The following KLF12 variants were observed in gnomAD, a reference collection of about 807,000 sequenced individuals.
KLF12 encodes the protein KLF transcription factor 12.
In KLF12, 9 loss-of-function variants were observed where a neutral mutation model predicts 37.8. The observed-to-expected ratio is 0.24, with a 90% CI of 0.14 to 0.42. The LOEUF is 0.42. Among genes scored for constraint, KLF12 ranks in the 10% least tolerant of loss-of-function variants. The probability of loss-of-function intolerance (pLI) is 1.00; values close to 1 mark genes in which losing one functional copy is unlikely to be tolerated. For synonymous variants in KLF12, 208 were observed against 202.1 expected, an observed-to-expected ratio of 1.03 and a Z score of -0.25; for missense variants, 411 against 516.0, an observed-to-expected ratio of 0.80 and a Z score of 1.97.
chr13:74,277,831 A>T, the KLF12 span, among the ~76,000 whole-genome samples: 1 of 152,196 alleles, frequency 6.6e-6, no homozygotes, highest in Non-Finnish European at 1.5e-5. Context: ...CATCTCCCAT[A>T]GGTGCTCAGA....
At chr13:73,913,760 AAATT>A (rs1442119093) in intron 3 of KLF12, among the ~76,000 whole-genome samples, 1 of 152,256 alleles carries the variant, frequency 6.6e-6, no homozygotes, top group Admixed American at 6.5e-5. Context: ...TTTTAAATAT[AAATT>A]AATATCACCT....
intron 3 of KLF12, among the ~76,000 whole-genome samples, chr13:73,847,492 C>G (rs1885094559): frequency 6.6e-6 from 1 of 151,924 alleles, no homozygotes; most frequent in South Asian, 2.1e-4. Context: ...TTCCTAAAGC[C>G]TTTTTAAAAT....
chr13:73,870,193 CCTT>C (rs1034895810), intron 3 of KLF12, among the ~76,000 whole-genome samples: 8 of 152,186 alleles, frequency 5.3e-5, no homozygotes, highest in Non-Finnish European at 1.2e-4. Context: ...AGCAGTTCTT[CCTT>C]CTTATTCAGA....
intron 1 of KLF12, among the ~76,000 whole-genome samples, chr13:74,105,741 T>A (rs977374995): frequency 1.2e-4 from 18 of 152,252 alleles, no homozygotes; most frequent in African/African-American, 4.3e-4. Flanking sequence ...AAGGATAAAG[T>A]GCTTGTTCAA....
chr13:73,825,875 C>T (rs926407188), intron 4 of KLF12, among the ~76,000 whole-genome samples: 17 of 152,160 alleles, frequency 1.1e-4, no homozygotes, highest in Admixed American at 2.0e-4. Context: ...TCATTACACC[C>T]CAACCAAACC....
chr13:73,804,594 A>C (rs542610016), intron 5 of KLF12, among the ~76,000 whole-genome samples: 1 of 152,294 alleles, frequency 6.6e-6, no homozygotes, highest in East Asian at 1.9e-4. Context: ...TGGTGGGCTG[A>C]TAATGGCAAA....
chr13:73,721,582 T>C (rs765657167), intron 6 of KLF12, among the ~76,000 whole-genome samples: 3 of 152,226 alleles, frequency 2.0e-5, no homozygotes, highest in Non-Finnish European at 4.4e-5. Context: ...AGACAAGAAC[T>C]CATTCTGTTG....
chr13:74,196,562 A>G, the KLF12 span, among the ~76,000 whole-genome samples: 2 of 152,144 alleles, frequency 1.3e-5, no homozygotes, highest in Non-Finnish European at 2.9e-5. Flanking sequence ...CTTTTGGTAG[A>G]GTCATCTGAG....
chr13:74,167,604 A>T, the KLF12 span, among the ~76,000 whole-genome samples: 1 of 152,240 alleles, frequency 6.6e-6, no homozygotes, highest in East Asian at 1.9e-4. Flanking sequence ...TCAATTTGGT[A>T]CTGAAATGAA....
chr13:73,810,982 C>CTTTTTTTTTT (rs376490803), intron 5 of KLF12, among the ~76,000 whole-genome samples: 39 of 44,806 alleles, frequency 8.7e-4, no homozygotes, highest in Non-Finnish European at 1.3e-3. Context: ...ATTTTTCTTT[C>CTTTTTTTTTT]TTTTTTTTTT....
chr13:73,890,632 T>A (rs1887459252), intron 3 of KLF12, among the ~76,000 whole-genome samples: 1 of 151,914 alleles, frequency 6.6e-6, no homozygotes, highest in African/African-American at 2.4e-5. Flanking sequence ...CCTCCTGCAC[T>A]AGGCCCCAGC....
intron 3 of KLF12, among the ~76,000 whole-genome samples, chr13:73,858,106 T>C (rs1885702403): frequency 6.6e-6 from 1 of 152,194 alleles, no homozygotes; most frequent in African/African-American, 2.4e-5. Flanking sequence ...TTTTCCTATA[T>C]TTTCTACAGC....
At chr13:74,195,383 T>C in the KLF12 span, among the ~76,000 whole-genome samples, 1 of 152,142 alleles carries the variant, frequency 6.6e-6, no homozygotes, top group African/African-American at 2.4e-5. Flanking sequence ...ACTGAAGGGC[T>C]GAGCAAGGGA....
At chr13:73,711,035 A>C (rs1032218215) in intron 7 of KLF12, among the ~76,000 whole-genome samples, 6 of 152,248 alleles carry the variant, frequency 3.9e-5, no homozygotes, top group African/African-American at 1.4e-4. Flanking sequence ...GTCTGGATAG[A>C]AGATCAAACC....
Position 73,872,922 on chromosome 13 carries a change from T to G in KLF12, c.124-26549A>C, listed in dbSNP as rs537258368. Among the ~76,000 whole-genome samples the G allele has an allele frequency of 2.6e-5, 4 of 152,192 alleles. No homozygotes were observed. In the South Asian group the frequency reaches 8.3e-4, roughly 32 times the overall value. On this transcript the variant is annotated intron_variant, in intron 3 of 7. Coordinates refer to ENST00000377669, the MANE Select transcript of KLF12 (RefSeq NM_007249.5). ...AGACACAGAAGACATGAGTGAACCT[T>G]TGTGAGAGCAGAGACCTTATTTTGA... is the stretch of plus-strand genomic sequence containing the variant.
chr13:73,880,549 T>C (rs1172392776), intron 3 of KLF12, among the ~76,000 whole-genome samples: 1 of 152,234 alleles, frequency 6.6e-6, no homozygotes, highest in Non-Finnish European at 1.5e-5. Context: ...TTCCTGCTGC[T>C]TCCAGATGCC....
intron 1 of KLF12, among the ~76,000 whole-genome samples, chr13:74,110,734 T>A (rs1209366917): frequency 1.3e-5 from 2 of 152,114 alleles, no homozygotes; most frequent in African/African-American, 4.8e-5. Context: ...CTTGGGACCC[T>A]GTTCTCAAAT....
chr13:74,046,014 A>G (rs1893533921), intron 1 of KLF12, among the ~76,000 whole-genome samples: 1 of 152,326 alleles, frequency 6.6e-6, no homozygotes, highest in East Asian at 1.9e-4. Flanking sequence ...AAGCTGGGTG[A>G]TATTTCTGTA....
chr13:73,714,927 C>G (rs1022845328), intron 7 of KLF12, among the ~76,000 whole-genome samples: 4 of 152,134 alleles, frequency 2.6e-5, no homozygotes, highest in African/African-American at 9.7e-5. Flanking sequence ...CACAATGCTA[C>G]GTATCTGTCA....
Sources: gnomAD v4.1 joint callset for allele counts (sites outside exome capture counted in the v4.1 genomes callset) on GRCh38, gnomAD v4.1.1 for gene constraint, MANE v1.5 for transcripts, NCBI Gene and HGNC (gene_info 2026-07-23, HGNC 2026-07-21) for gene names.